The following ZNF611 variants were observed in gnomAD, a reference collection of about 807,000 sequenced individuals.
ZNF611 encodes zinc finger protein 611.
In ZNF611, 6 loss-of-function variants were observed where a neutral mutation model predicts 8.9. That is an observed-to-expected ratio of 0.68 (90% CI 0.37 to 1.34). The LOEUF (loss-of-function observed/expected upper bound fraction) is 1.34. Ranked by LOEUF, ZNF611 falls within the 40% of genes most tolerant of loss-of-function variation. The probability of loss-of-function intolerance (pLI) is 0.02; values close to 1 mark genes in which losing one functional copy is unlikely to be tolerated. For synonymous variants in ZNF611, 262 were observed against 279.7 expected (o/e 0.94, Z 0.63); for missense variants, 874 against 841.3 (o/e 1.04, Z -0.48).
rs1409644199 is a variant in ZNF611, at chr19:52,702,826, T to G, written c.*2111A>C. 1.3e-5 allele frequency: 2 copies of G among 152,178 alleles called. No individual in the cohort carries two copies. Among genetic ancestry groups the G allele is most frequent in the Admixed American group, 6.5e-5 (1 of 15,268 alleles). The allele number at this position is 152,178 out of a possible 1,614,324, so 9.4% of individuals were successfully genotyped here. ...CAGACTAACTGGTTAAAGTACATTTTGATGTTTAGTTAAAAGGCCACTGAC... is the reference window on the plus strand; with the variant it reads ...CAGACTAACTGGTTAAAGTACATTTGGATGTTTAGTTAAAAGGCCACTGAC... On this transcript the variant is annotated 3_prime_UTR_variant, in exon 6 of 6. Transcript: ENST00000652185.
rs2062246071 is a variant in ZNF611, at chr19:52,706,481, T to C, written c.574A>G (p.Thr192Ala). ...KSTNDAPSVS[T>A]FQRISCRPQT... ...GGCCTACAGGAAATTCTTTGGAATG[T>C]TGAAACTGAGGGAGCATCATTAGTA... The change falls in exon 6 of 6, where the codon ACA becomes GCA. Residue 192 changes from threonine to alanine, a missense_variant. Thr to Ala is a moderately conservative substitution (Grantham distance 58). Coordinates refer to ENST00000652185, the MANE Select transcript of ZNF611 (RefSeq NM_001161499.2). The C allele has an allele frequency of 7.4e-6, 12 of 1,614,072 alleles. No individual in the cohort carries two copies. Among genetic ancestry groups the C allele is most frequent in the African/African-American group, 1.3e-5 (1 of 74,922 alleles).
intron 5 of ZNF611, among the ~76,000 whole-genome samples, chr19:52,710,512 G>A (rs879428842): frequency 3.3e-5 from 5 of 152,130 alleles, no homozygotes; most frequent in Non-Finnish European, 7.3e-5. Flanking sequence ...TAATAGGTGT[G>A]AGACATCATG....
intron 5 of ZNF611, among the ~76,000 whole-genome samples, chr19:52,712,383 CGGGT>C (rs1056459167): frequency 7.6e-6 from 1 of 130,748 alleles, no homozygotes; most frequent in African/African-American, 2.9e-5. Flanking sequence ...ATTAGGAAGA[CGGGT>C]GGGTGGATCA....
chr19:52,704,271 A>C lies in ZNF611; in HGVS notation c.*666T>G. On this transcript the variant is annotated 3_prime_UTR_variant, in exon 6 of 6. Transcript: ENST00000652185. ...GTTTGCTATACTCATTTCATTGGGA[A>C]CGGTTATCTCAAAAATGAATTTTCT... 2.0e-6 allele frequency: 1 copy of C among 502,708 alleles called. No individual in the cohort carries two copies. Among genetic ancestry groups the C allele is most frequent in the Admixed American group, 2.4e-5 (1 of 41,888 alleles). The allele number at this position is 502,708 out of a possible 1,614,324, so 31.1% of individuals were successfully genotyped here.
At chr19:52,727,054 T>C (rs1266505521) in intron 3 of ZNF611, among the ~76,000 whole-genome samples, 1 of 151,894 alleles carries the variant, frequency 6.6e-6, no homozygotes, top group Non-Finnish European at 1.5e-5. Flanking sequence ...TTGGTAGAGA[T>C]GGGGTTTCAC....
At chr19:52,716,963 G>A (rs2062321441) in intron 3 of ZNF611, among the ~76,000 whole-genome samples, 1 of 151,906 alleles carries the variant, frequency 6.6e-6, no homozygotes, top group Non-Finnish European at 1.5e-5. Flanking sequence ...AACCCAGGAG[G>A]CAGAGGTTGC....
Position 52,720,874 on chromosome 19 carries a change from C to T in ZNF611, c.-19-4961G>A, listed in dbSNP as rs142617864. On this transcript the variant is annotated intron_variant, in intron 3 of 5. Coordinates refer to ENST00000652185, the MANE Select transcript of ZNF611 (RefSeq NM_001161499.2). Reference sequence around the variant, plus strand: ...CTCAGATGGGGTGGCTGGGCAGAGGCGTTCCTCACCTCCCAGACAGGGTCG... The same window carrying T: ...CTCAGATGGGGTGGCTGGGCAGAGGTGTTCCTCACCTCCCAGACAGGGTCG... The T allele has an allele frequency of 1.1e-3, 150 of 142,396 alleles. No homozygotes were observed. In the Middle Eastern group the frequency reaches 0.014, roughly 13 times the overall value. The allele number at this position is 142,396 out of a possible 1,614,324, so 8.8% of individuals were successfully genotyped here. A position where few individuals can be genotyped will look rare whatever the true frequency, so the allele number is the denominator to read the frequency against.
At chr19:52,718,832 G>A (rs1373714905) in intron 3 of ZNF611, among the ~76,000 whole-genome samples, 5 of 151,722 alleles carry the variant, frequency 3.3e-5, no homozygotes, top group African/African-American at 9.7e-5. Context: ...CAAAAAACCC[G>A]ACAACAACAA....
chr19:52,715,883 C>T lies in ZNF611; in HGVS notation c.12G>A (p.Glu4=), dbSNP rs1419194284. MLR[E]EAAQKRKGKE... ...TTCCTTTCCTCTTCTGAGCTGCTTC[C>T]TCACGTAACATGAGTCTTTAGGAAT... Residue 4 remains glutamate, a synonymous_variant, in exon 4 of 6, where the codon GAG becomes GAA. Coordinates refer to ENST00000652185, the MANE Select transcript of ZNF611 (RefSeq NM_001161499.2). 3.7e-6 allele frequency: 6 copies of T among 1,613,486 alleles called. No homozygotes were observed. The East Asian group carries it at 6.7e-5, about 18-fold the overall frequency.
rs1326014418 is a variant in ZNF611, at chr19:52,714,195, T to C, written c.64-54A>G. 4 of 1,585,724 alleles carry C rather than the reference T, an allele frequency of 2.5e-6. No homozygotes were observed. In the Admixed American group the frequency reaches 7.9e-5, roughly 31 times the overall value. On this transcript the variant is annotated intron_variant, in intron 4 of 5. Transcript: ENST00000652185. ...CATTATGGAGTAATGAGTTATCACCTTCACAGAAAATGAGAAATGAGAAAA... is the reference window on the plus strand; with the variant it reads ...CATTATGGAGTAATGAGTTATCACCCTCACAGAAAATGAGAAATGAGAAAA...
rs542121036 is a variant in ZNF611, at chr19:52,734,570, G to C, written c.-222+431C>G. Among the ~76,000 whole-genome samples the C allele has an allele frequency of 1.0e-4, 15 of 149,020 alleles. No homozygotes were observed. The South Asian group carries it at 1.5e-3, about 15-fold the overall frequency. ...GGGGCGCGACGGCGCCTTAGGACCA[G>C]GATGGGGTCTGCAGGATCCCAGGAC... is the stretch of plus-strand genomic sequence containing the variant. On this transcript the variant is annotated intron_variant, in intron 1 of 5. Transcript: ENST00000652185.
At position 52,714,079 on chromosome 19, in the gene ZNF611, G is replaced by T. The variant is rs1426187534; in HGVS notation, c.126C>A (p.Asn42Lys). Residue 42 changes from asparagine (N) to lysine (K), a missense_variant, in exon 5 of 6, where the codon AAC becomes AAA. Physicochemically the swap from Asn to Lys is moderately conservative, Grantham distance 94 (BLOSUM62 0). Coordinates refer to ENST00000652185, the MANE Select transcript of ZNF611 (RefSeq NM_001161499.2). ...EFSLAEWKCLNPSQRALYREV... is the reference protein window; with the variant it reads ...EFSLAEWKCLKPSQRALYREV... The stretch of plus-strand genomic sequence containing the variant: ...CCCTGTACAAAGCCCTCTGTGAAGG[G>T]TTCAGGCATTTCCACTCTGCCAATG... The T allele has an allele frequency of 6.2e-7, 1 of 1,614,058 alleles. No individual in the cohort carries two copies. Among genetic ancestry groups the T allele is most frequent in the South Asian group, 1.1e-5 (1 of 91,062 alleles).
At position 52,734,185 on chromosome 19, in the gene ZNF611, AGGTT is replaced by A. The variant is rs74182403; in HGVS notation, c.-222+812_-222+815del. The stretch of plus-strand genomic sequence containing the variant: ...GTTGCTTTTCTCCTCCTGCTTTCTT[AGGTT>A]TTTTTTTTTTTTTTTCACTTCTGCC... On this transcript the variant is annotated intron_variant, in intron 1 of 5. Transcript: ENST00000652185. Among the ~76,000 whole-genome samples the A allele has an allele frequency of 9.8e-4, 130 of 132,676 alleles. 3 individuals carry two copies. The highest frequency in any genetic ancestry group is 3.3e-3 in the African/African-American group (118 of 35,248). The allele number at this position is 132,676 out of a possible 152,430, so 87.0% of individuals were successfully genotyped here.
chr19:52,722,927 T>C (rs111557828), intron 3 of ZNF611, among the ~76,000 whole-genome samples: 5,211 of 131,438 alleles, frequency 0.04, 319 homozygotes, highest in African/African-American at 0.14. Context: ...TTTTTTTTGA[T>C]AGAGATGGGG....
At chr19:52,727,907 CTT>C (rs11319896) in intron 3 of ZNF611, among the ~76,000 whole-genome samples, 235 of 105,854 alleles carry the variant, frequency 2.2e-3, no homozygotes, top group African/African-American at 5.8e-3. Context: ...TGTTGTGTGC[CTT>C]TTTTTTTTTT....
At chr19:52,716,194 C>T (rs1345676609) in intron 3 of ZNF611, 2 of 321,260 alleles carry the variant, frequency 6.2e-6, no homozygotes, top group African/African-American at 2.1e-5. Flanking sequence ...ACAGACTCAT[C>T]CTTCATCAAT....
chr19:52,715,008 A>C lies in ZNF611; in HGVS notation c.63+824T>G, dbSNP rs563470767. Among the ~76,000 whole-genome samples, 11 of 152,154 alleles carry C rather than the reference A, an allele frequency of 7.2e-5. 1 individual carries two copies. In the South Asian group the frequency reaches 2.3e-3, roughly 32 times the overall value. The stretch of plus-strand genomic sequence containing the variant: ...CAAGACTCCATCTCACACACACAAA[A>C]ACAAAACAAAACAAAACAAAAAAAC... On this transcript the variant is annotated intron_variant, in intron 4 of 5. Transcript: ENST00000652185.
intron 5 of ZNF611, among the ~76,000 whole-genome samples, chr19:52,712,649 A>G (rs1419185938): frequency 6.6e-6 from 1 of 151,204 alleles, no homozygotes; most frequent in African/African-American, 2.4e-5. Flanking sequence ...AAAAAAAAAA[A>G]AGAAAGAAAC....
intron 3 of ZNF611, chr19:52,717,767 G>T: frequency 1.2e-6 from 1 of 856,166 alleles, no homozygotes; most frequent in Non-Finnish European, 1.4e-6. Flanking sequence ...CATTTTTTCA[G>T]ATGATATGAG....
Sources: allele counts gnomAD v4.1 joint callset (sites outside exome capture counted in the v4.1 genomes callset), GRCh38; gene constraint gnomAD v4.1.1; transcripts MANE v1.5; gene names NCBI Gene and HGNC (gene_info 2026-07-23, HGNC 2026-07-21).